The following CLRN2 variants were observed in gnomAD, a reference collection of about 807,000 sequenced individuals.
CLRN2 encodes the protein clarin 2.
A neutral mutation model predicts 20.1 loss-of-function variants in CLRN2; 17 were observed. The ratio of observed to expected loss-of-function variants is 0.85; its 90% confidence interval spans 0.58 to 1.27. CLRN2 has a LOEUF of 1.27. CLRN2 is among the 50% of genes most tolerant of loss of function. The pLI is 0.00. For missense variants in CLRN2, 288 were observed against 299.5 expected, an observed-to-expected ratio of 0.96 and a Z score of 0.28; for synonymous variants, 140 against 126.9, an observed-to-expected ratio of 1.10 and a Z score of -0.70.
chr4:17,523,352 G>A (rs1239957993), intron 2 of CLRN2, among the ~76,000 whole-genome samples: 2 of 151,812 alleles, frequency 1.3e-5, no homozygotes, highest in African/African-American at 2.4e-5. Context: ...GTAGCTGGGA[G>A]TACAGGCGTG....
intron 1 of CLRN2, among the ~76,000 whole-genome samples, chr4:17,521,979 G>A (rs769528574): frequency 9.9e-5 from 15 of 152,232 alleles, no homozygotes; most frequent in Admixed American, 2.6e-4. Context: ...GACCCATCTT[G>A]AAGGACGGGC....
intron 2 of CLRN2, among the ~76,000 whole-genome samples, chr4:17,526,323 G>A (rs1346465849): frequency 6.6e-6 from 1 of 152,210 alleles, no homozygotes; most frequent in East Asian, 1.9e-4. Flanking sequence ...ACTTTGGGAG[G>A]CCAAGGTGAA....
At chr4:17,517,381 G>A (rs1421699109) in intron 1 of CLRN2, among the ~76,000 whole-genome samples, 1 of 152,152 alleles carries the variant, frequency 6.6e-6, no homozygotes, top group Non-Finnish European at 1.5e-5. Context: ...TCTTCACAAA[G>A]CTTCATATTT....
At chr4:17,520,602 T>G (rs1711815312) in intron 1 of CLRN2, among the ~76,000 whole-genome samples, 1 of 152,256 alleles carries the variant, frequency 6.6e-6, no homozygotes, top group Non-Finnish European at 1.5e-5. Context: ...ACACGGTGTT[T>G]TAGCAAACAT....
intron 1 of CLRN2, among the ~76,000 whole-genome samples, chr4:17,516,004 AGTGG>A (rs758572869): frequency 3.3e-5 from 5 of 152,310 alleles, no homozygotes; most frequent in Non-Finnish European, 7.4e-5. Flanking sequence ...GACCACAACA[AGTGG>A]GTGGAGGCTG....
chr4:17,523,187 G>A, intron 2 of CLRN2, 144 bp downstream of exon 2: 2 of 509,276 alleles, frequency 3.9e-6, no homozygotes, highest in East Asian at 6.5e-5. Context: ...TGATGGGCAT[G>A]GAATGAATGT....
At chr4:17,518,493 G>C (rs1711750271) in intron 1 of CLRN2, among the ~76,000 whole-genome samples, 1 of 152,204 alleles carries the variant, frequency 6.6e-6, no homozygotes, top group African/African-American at 2.4e-5. Context: ...GGGTACAGTG[G>C]CTCACGCCTG....
chr4:17,523,101 A>G, intron 2 of CLRN2, 58 bp downstream of exon 2: 8 of 1,462,234 alleles, frequency 5.5e-6, no homozygotes, highest in Non-Finnish European at 7.4e-6. Context: ...GCTGGGCTCC[A>G]AGTAGTTGGG....
intron 2 of CLRN2, among the ~76,000 whole-genome samples, chr4:17,525,785 GAGAA>G (rs978678114): frequency 1.3e-5 from 2 of 152,170 alleles, no homozygotes; most frequent in African/African-American, 2.4e-5. Flanking sequence ...TTTTCTTAAA[GAGAA>G]AGAAACATAA....
At chr4:17,525,171 A>G (rs935416182) in intron 2 of CLRN2, among the ~76,000 whole-genome samples, 4 of 152,308 alleles carry the variant, frequency 2.6e-5, no homozygotes, top group Admixed American at 2.0e-4. Context: ...GTAGCACTTT[A>G]TAATATCAAA....
At chr4:17,523,527 G>A (rs1711888606) in intron 2 of CLRN2, among the ~76,000 whole-genome samples, 1 of 151,982 alleles carries the variant, frequency 6.6e-6, no homozygotes, top group Non-Finnish European at 1.5e-5. Context: ...CAACAAAGAA[G>A]CATCTTATTA....
At chr4:17,524,156 T>C (rs1330128519) in intron 2 of CLRN2, among the ~76,000 whole-genome samples, 1 of 151,642 alleles carries the variant, frequency 6.6e-6, no homozygotes. Context: ...AGATCCATGC[T>C]CTCATTTATG....
At position 17,515,281 on chromosome 4, in the gene CLRN2, C is replaced by G. The variant is rs772850730; in HGVS notation, c.15C>G (p.Phe5Leu). The change falls in exon 1 of 3, where the codon TTC becomes TTG. Residue 5 changes from phenylalanine (F) to leucine (L), a missense_variant. Physicochemically the swap from Phe to Leu is conservative, Grantham distance 22. Coordinates refer to ENST00000511148, the MANE Select transcript of CLRN2 (RefSeq NM_001079827.2). Reference protein sequence around the residue: MPGWFKKAWYGLASL... With the variant: MPGWLKKAWYGLASL... ...CACCCACTAGCATGCCTGGATGGTTCAAAAAGGCGTGGTATGGGCTGGCGT... is the reference window on the plus strand; with the variant it reads ...CACCCACTAGCATGCCTGGATGGTTGAAAAAGGCGTGGTATGGGCTGGCGT... 3 of 1,613,718 alleles carry G rather than the reference C, an allele frequency of 1.9e-6. No homozygotes were observed. The African/African-American group carries it at 4.0e-5, about 22-fold the overall frequency.
intron 1 of CLRN2, among the ~76,000 whole-genome samples, chr4:17,521,563 A>G (rs545974341): frequency 1.3e-5 from 2 of 152,360 alleles, no homozygotes; most frequent in South Asian, 4.1e-4. Context: ...ACAGTTGTGA[A>G]CAACAGTTCT....
intron 1 of CLRN2, among the ~76,000 whole-genome samples, chr4:17,521,087 A>C (rs1388733645): frequency 6.6e-6 from 1 of 152,194 alleles, no homozygotes; most frequent in East Asian, 1.9e-4. Context: ...GAGAGTTTGA[A>C]AAGAGAAAAA....
At chr4:17,524,720 C>CA (rs1711927825) in intron 2 of CLRN2, among the ~76,000 whole-genome samples, 1 of 149,060 alleles carries the variant, frequency 6.7e-6, no homozygotes, top group Non-Finnish European at 1.5e-5. Context: ...TAGCAACAGG[C>CA]AAAAAAGCCT....
At chr4:17,526,680 A>T in intron 2 of CLRN2, 137 bp from the exon 3 acceptor site, 1 of 1,002,310 alleles carries the variant, frequency 1.0e-6, no homozygotes, top group Non-Finnish European at 1.5e-6. Flanking sequence ...TCCTACTTTT[A>T]AAAGCAAATT....
intron 1 of CLRN2, among the ~76,000 whole-genome samples, chr4:17,521,147 G>A (rs1055625979): frequency 4.6e-5 from 7 of 152,158 alleles, no homozygotes; most frequent in African/African-American, 1.4e-4. Flanking sequence ...GAAGAAAGAC[G>A]CTTTACAAAG....
intron 1 of CLRN2, among the ~76,000 whole-genome samples, chr4:17,516,443 C>G (rs1711676360): frequency 6.6e-6 from 1 of 152,200 alleles, no homozygotes; most frequent in Non-Finnish European, 1.5e-5. Flanking sequence ...TAGGGTGATA[C>G]AGAATTGTAT....
Sources: allele counts gnomAD v4.1 joint callset (sites outside exome capture counted in the v4.1 genomes callset), GRCh38; gene constraint gnomAD v4.1.1; transcripts MANE v1.5; gene names NCBI Gene and HGNC (gene_info 2026-07-23, HGNC 2026-07-21).